The following LDB2 variants were observed in gnomAD, a reference collection of about 807,000 sequenced individuals.
The protein encoded by LDB2 is LIM domain-binding protein 2.
LDB2 carries 12 observed loss-of-function variants against 44.3 expected under a neutral mutation model. The ratio of observed to expected loss-of-function variants is 0.27; its 90% CI spans 0.17 to 0.44. LDB2 has a LOEUF of 0.44. LDB2 is among the 20% of genes least tolerant of loss of function. The pLI, the probability that LDB2 is intolerant of heterozygous loss-of-function variation, is 1.00. For missense variants in LDB2, 344 were observed against 473.5 expected (o/e 0.73, Z 2.54); for synonymous variants, 164 against 174.8 (o/e 0.94, Z 0.49).
chr4:16,661,170 G>A (rs953106872), intron 2 of LDB2, among the ~76,000 whole-genome samples: 1 of 152,188 alleles, frequency 6.6e-6, no homozygotes, highest in Non-Finnish European at 1.5e-5. Context: ...CATGGTGTAT[G>A]TGTCTACAAA....
intron 1 of LDB2, among the ~76,000 whole-genome samples, chr4:16,789,358 G>T (rs1775199960): frequency 6.6e-6 from 1 of 152,184 alleles, no homozygotes; most frequent in African/African-American, 2.4e-5. Context: ...GGAAAATGCA[G>T]TGAACCAGAC....
At chr4:16,847,596 T>G (rs147910061) in intron 1 of LDB2, among the ~76,000 whole-genome samples, 7 of 40,270 alleles carry the variant, frequency 1.7e-4, no homozygotes, top group African/African-American at 6.8e-4. Context: ...CTTTAACACA[T>G]GTTTGTTTGT....
intron 1 of LDB2, among the ~76,000 whole-genome samples, chr4:16,771,458 G>A (rs757013994): frequency 2.6e-4 from 39 of 152,264 alleles, no homozygotes; most frequent in Non-Finnish European, 4.0e-4. Flanking sequence ...CTTCAGAATT[G>A]TGACTCTAAC....
At chr4:16,726,325 G>T (rs1405633743) in intron 2 of LDB2, 1 of 152,078 alleles carries the variant, frequency 6.6e-6, no homozygotes, top group South Asian at 2.1e-4. Flanking sequence ...TCTGAGTCTT[G>T]GGTTCTTACC....
At chr4:16,667,141 C>G (rs1382597337) in intron 2 of LDB2, among the ~76,000 whole-genome samples, 3 of 152,130 alleles carry the variant, frequency 2.0e-5, no homozygotes, top group Non-Finnish European at 4.4e-5. Context: ...CACACAGAGA[C>G]AGAGAGAATA....
rs555549324 is a variant in LDB2, at chr4:16,746,261, C to A, written c.235+12897G>T. Among the ~76,000 whole-genome samples the A allele has an allele frequency of 4.6e-5, 7 of 152,232 alleles. No homozygotes were observed. The East Asian group carries it at 1.3e-3, about 29-fold the overall frequency. On this transcript the variant is annotated intron_variant, in intron 2 of 7. Transcript: ENST00000304523. ...TTATCATTTTAACTTATTAACTAAT[C>A]CAGTAAGTCATTATTGAACATATTT...
At chr4:16,621,733 A>AT (rs371075593) in intron 2 of LDB2, among the ~76,000 whole-genome samples, 3 of 151,888 alleles carry the variant, frequency 2.0e-5, no homozygotes, top group Admixed American at 6.6e-5. Flanking sequence ...TTTTATTTTT[A>AT]TTTTTTGTAG....
chr4:16,850,707 C>A (rs1420630654), intron 1 of LDB2, among the ~76,000 whole-genome samples: 1 of 152,092 alleles, frequency 6.6e-6, no homozygotes, highest in Non-Finnish European at 1.5e-5. Context: ...AGAGAGAGGG[C>A]AGATCAAATT....
intron 1 of LDB2, among the ~76,000 whole-genome samples, chr4:16,894,521 CT>C (rs909629420): frequency 6.6e-6 from 1 of 152,060 alleles, no homozygotes; most frequent in Non-Finnish European, 1.5e-5. Context: ...ATGCCTATTC[CT>C]TTACAGAGAG....
At chr4:16,752,493 GC>G (rs1681205748) in intron 2 of LDB2, 2 of 439,100 alleles carry the variant, frequency 4.6e-6, no homozygotes, top group Non-Finnish European at 9.0e-6. Context: ...TTTTGGCTCT[GC>G]CCAAAACCAG....
chr4:16,612,150 A>G (rs1244816759), intron 2 of LDB2, among the ~76,000 whole-genome samples: 1 of 152,180 alleles, frequency 6.6e-6, no homozygotes, highest in Non-Finnish European at 1.5e-5. Flanking sequence ...GAAATCAAAA[A>G]GTTCTTTGAA....
At chr4:16,676,147 T>TTG (rs372933582) in intron 2 of LDB2, among the ~76,000 whole-genome samples, 9 of 151,864 alleles carry the variant, frequency 5.9e-5, no homozygotes, top group Admixed American at 3.3e-4. Context: ...GGAGGAGAGG[T>TTG]TGTGTGTGTG....
chr4:16,594,835 A>T (rs1720329940), intron 3 of LDB2, among the ~76,000 whole-genome samples: 1 of 152,224 alleles, frequency 6.6e-6, no homozygotes, highest in African/African-American at 2.4e-5. Flanking sequence ...ATCACAAATT[A>T]GTTTCATGTT....
chr4:16,845,406 T>G (rs979883884), intron 1 of LDB2, among the ~76,000 whole-genome samples: 1 of 152,226 alleles, frequency 6.6e-6, no homozygotes, highest in Non-Finnish European at 1.5e-5. Flanking sequence ...AACAGCTTTT[T>G]CTATCAAAGA....
intron 1 of LDB2, among the ~76,000 whole-genome samples, chr4:16,821,876 A>C (rs1782150173): frequency 6.6e-6 from 1 of 151,810 alleles, no homozygotes; most frequent in African/African-American, 2.4e-5. Flanking sequence ...TGAACGTGAG[A>C]GCTGGAAGGA....
chr4:16,696,222 G>C (rs1310958957), intron 2 of LDB2, among the ~76,000 whole-genome samples: 1 of 152,108 alleles, frequency 6.6e-6, no homozygotes, highest in African/African-American at 2.4e-5. Flanking sequence ...TAGCGGAACA[G>C]TGAGTATCTC....
intron 6 of LDB2, among the ~76,000 whole-genome samples, chr4:16,510,345 G>A (rs143496165): frequency 1.3e-5 from 2 of 151,878 alleles, no homozygotes; most frequent in Non-Finnish European, 1.5e-5. Context: ...TCCTTCCATC[G>A]AGTTCAGGGT....
At chr4:16,861,047 A>T (rs1271951244) in intron 1 of LDB2, among the ~76,000 whole-genome samples, 2 of 152,242 alleles carry the variant, frequency 1.3e-5, no homozygotes, top group Non-Finnish European at 2.9e-5. Context: ...TCATTAGGGT[A>T]TGGAGGACTT....
At chr4:16,670,727 T>C (rs925167614) in intron 2 of LDB2, among the ~76,000 whole-genome samples, 2 of 152,228 alleles carry the variant, frequency 1.3e-5, no homozygotes, top group African/African-American at 4.8e-5. Context: ...TCCTCATCTA[T>C]AAAATGGGCA....
Sources: allele counts gnomAD v4.1 joint callset (sites outside exome capture counted in the v4.1 genomes callset), GRCh38; gene constraint gnomAD v4.1.1; transcripts MANE v1.5; gene names NCBI Gene and HGNC (gene_info 2026-07-23, HGNC 2026-07-21).